SEPTIN11: variants seen among roughly 807,000 people sequenced by gnomAD.
The protein encoded by SEPTIN11 is septin-11.
A neutral mutation model predicts 51.4 loss-of-function variants in SEPTIN11; 25 were observed. That is an observed-to-expected ratio of 0.49 (90% CI 0.35 to 0.68). The LOEUF is 0.68. SEPTIN11 is among the 30% of genes least tolerant of loss of function. The pLI is 0.00. For synonymous variants in SEPTIN11, 174 were observed against 184.1 expected, an observed-to-expected ratio of 0.95 and a Z score of 0.44; for missense variants, 381 against 520.8, an observed-to-expected ratio of 0.73 and a Z score of 2.61.
At chr4:76,966,507 G>T (rs1278310887) in intron 1 of SEPTIN11, among the ~76,000 whole-genome samples, 1 of 151,414 alleles carries the variant, frequency 6.6e-6, no homozygotes, top group Non-Finnish European at 1.5e-5. Flanking sequence ...AGATTTTCCA[G>T]TGATTTTCTA....
In SEPTIN11 at chr4:77,034,560, A is replaced by G; in HGVS notation, c.*48A>G. On this transcript the variant is annotated 3_prime_UTR_variant, in exon 10 of 10. Coordinates refer to ENST00000264893, the MANE Select transcript of SEPTIN11 (RefSeq NM_018243.4). ...CCCGCATTCACCTGCTTTTGCAGTA[A>G]TATCGTATCTCTGCCATGTGTGTTC... The G allele has an allele frequency of 6.6e-7, 1 of 1,518,898 alleles. No homozygotes were observed. The highest frequency in any genetic ancestry group is 8.8e-7 in the Non-Finnish European group (1 of 1,138,958). The allele number at this position is 1,518,898 out of a possible 1,614,324, so 94.1% of individuals were successfully genotyped here.
chr4:77,017,460 A>T (rs1199328707), intron 5 of SEPTIN11, among the ~76,000 whole-genome samples: 1 of 152,206 alleles, frequency 6.6e-6, no homozygotes, highest in Non-Finnish European at 1.5e-5. Context: ...ACACCAAAAT[A>T]TTGACCAGAA....
chr4:77,035,581 A>G lies in SEPTIN11; in HGVS notation c.*1069A>G, dbSNP rs1726969763. On this transcript the variant is annotated 3_prime_UTR_variant, in exon 10 of 10. Transcript: ENST00000264893. ...GGACCACAACATGACCCGTAAGTCAAGAAGGTAGACATTTCATATCCAGCT... is the reference window on the plus strand; with the variant it reads ...GGACCACAACATGACCCGTAAGTCAGGAAGGTAGACATTTCATATCCAGCT... The G allele has an allele frequency of 1.0e-6, 1 of 985,462 alleles. No individual in the cohort carries two copies. The highest frequency in any genetic ancestry group is 1.2e-6 in the Non-Finnish European group (1 of 829,928). 61.0% of individuals were successfully genotyped at this position (985,462 alleles called of 1,614,324 possible). A position where few individuals can be genotyped will look rare whatever the true frequency, so the allele number is the denominator to read the frequency against.
intron 3 of SEPTIN11, among the ~76,000 whole-genome samples, chr4:77,011,523 G>T (rs2645648): frequency 7.5e-6 from 1 of 133,696 alleles, no homozygotes; most frequent in South Asian, 2.9e-4. Flanking sequence ...TGACATGGGT[G>T]GGGGGCGGGC....
At position 77,000,253 on chromosome 4, in the gene SEPTIN11, G is replaced by A. The variant is rs894017791; in HGVS notation, c.142+3714G>A. On this transcript the variant is annotated intron_variant, in intron 2 of 9. Transcript: ENST00000264893. ...ATGAGAGAACAGGAATTGAAAACAG[G>A]TAAGTGTAAGGCCATCTTAGCCAAG... Among the ~76,000 whole-genome samples, 5 of 152,336 alleles carry A rather than the reference G, an allele frequency of 3.3e-5. No individual in the cohort carries two copies. The South Asian group carries it at 1.0e-3, about 32-fold the overall frequency.
intron 1 of SEPTIN11, among the ~76,000 whole-genome samples, chr4:76,975,477 A>G (rs1396764290): frequency 6.6e-6 from 1 of 152,216 alleles, no homozygotes. Context: ...ACAATAATAA[A>G]CTTATTACAT....
At chr4:77,000,199 C>T (rs950488498) in intron 2 of SEPTIN11, among the ~76,000 whole-genome samples, 8 of 152,114 alleles carry the variant, frequency 5.3e-5, no homozygotes, top group African/African-American at 1.9e-4. Context: ...AAAATTTGTC[C>T]ACAATTCAAC....
rs1453763924 is a variant in SEPTIN11, at chr4:77,038,395, CA to C, written c.*3884del. 6 of 985,680 alleles carry C rather than the reference CA, an allele frequency of 6.1e-6. No homozygotes were observed. Among genetic ancestry groups the C allele is most frequent in the Non-Finnish European group, 7.2e-6 (6 of 829,810 alleles). 61.1% of individuals were successfully genotyped at this position (985,680 alleles called of 1,614,324 possible). A position where few individuals can be genotyped will look rare whatever the true frequency, so the allele number is the denominator to read the frequency against. On this transcript the variant is annotated 3_prime_UTR_variant, in exon 10 of 10. Coordinates refer to ENST00000264893, the MANE Select transcript of SEPTIN11 (RefSeq NM_018243.4). ...ACTTTCATTGTTAATGCAGAATTGT[CA>C]TATATGTAAGCTGCATGTTAGACAT...
At chr4:76,982,074 A>C (rs55789186) in intron 1 of SEPTIN11, among the ~76,000 whole-genome samples, 3,237 of 152,328 alleles carry the variant, frequency 0.021, 104 homozygotes, top group African/African-American at 0.073. Context: ...TTAAAGTCTT[A>C]CATCCTCTAC....
chr4:76,966,526 A>G (rs1722040358), intron 1 of SEPTIN11, among the ~76,000 whole-genome samples: 1 of 152,078 alleles, frequency 6.6e-6, no homozygotes, highest in South Asian at 2.1e-4. Context: ...TAATAGACCA[A>G]ATTTAAATCT....
rs143395993 is a variant in SEPTIN11 at position 76,967,104 on chromosome 4, C to T, written c.27+17174C>T. Among the ~76,000 whole-genome samples, 820 of 151,806 alleles carry T rather than the reference C, an allele frequency of 5.4e-3. 6 individuals are homozygous for T. The highest frequency in any genetic ancestry group is 0.019 in the African/African-American group (791 of 41,404). ...CCCAGCTACTTGGGAGGCTGAGGCA[C>T]GAGAATTGCTTGAGTCCAGGAGGCA... On this transcript the variant is annotated intron_variant, in intron 1 of 9. Transcript: ENST00000264893.
At position 77,038,146 on chromosome 4, in the gene SEPTIN11, G is replaced by C; in HGVS notation, c.*3634G>C. Reference sequence around the variant, plus strand: ...AGCTTCGAAAAGTCCTGGTTCCACTGACAGGACACATTCTTTAGTGGGAAT... The same window carrying C: ...AGCTTCGAAAAGTCCTGGTTCCACTCACAGGACACATTCTTTAGTGGGAAT... On this transcript the variant is annotated 3_prime_UTR_variant, in exon 10 of 10. Coordinates refer to ENST00000264893, the MANE Select transcript of SEPTIN11 (RefSeq NM_018243.4). The C allele has an allele frequency of 1.0e-6, 1 of 985,858 alleles. No individual in the cohort carries two copies. 61.1% of individuals were successfully genotyped at this position (985,858 alleles called of 1,614,324 possible). A position where few individuals can be genotyped will look rare whatever the true frequency, so the allele number is the denominator to read the frequency against.
intron 1 of SEPTIN11, among the ~76,000 whole-genome samples, chr4:76,988,156 T>G (rs1197991964): frequency 1.3e-5 from 2 of 152,206 alleles, no homozygotes; most frequent in Non-Finnish European, 2.9e-5. Context: ...CAACAGTGCT[T>G]TGGACTAATA....
intron 4 of SEPTIN11, among the ~76,000 whole-genome samples, 194 bp downstream of exon 4, chr4:77,012,115 CAA>C (rs199819432): frequency 2.4e-4 from 20 of 84,614 alleles, no homozygotes; most frequent in Admixed American, 1.3e-3. Flanking sequence ...ACAAAACTAG[CAA>C]AAAAAAAAAA....
intron 5 of SEPTIN11, among the ~76,000 whole-genome samples, chr4:77,015,373 C>G (rs989511631): frequency 2.0e-5 from 3 of 152,118 alleles, no homozygotes; most frequent in Admixed American, 1.3e-4. Flanking sequence ...TTAGCTTGTC[C>G]CAATTTTGCT....
Position 77,037,385 on chromosome 4 carries a change from C to T in SEPTIN11, c.*2873C>T, listed in dbSNP as rs930298122. 3.0e-5 allele frequency: 30 copies of T among 985,290 alleles called. No homozygotes were observed. The highest frequency in any genetic ancestry group is 1.8e-4 in the Admixed American group (3 of 16,270). The allele number at this position is 985,290 out of a possible 1,614,324, so 61.0% of individuals were successfully genotyped here. On this transcript the variant is annotated 3_prime_UTR_variant, in exon 10 of 10. Coordinates refer to ENST00000264893, the MANE Select transcript of SEPTIN11 (RefSeq NM_018243.4). ...AAAAAAAAAAAGAAATTATTAATCCCTGCCTGTGCTCTACATAGCCTCATG... is the reference window on the plus strand; with the variant it reads ...AAAAAAAAAAAGAAATTATTAATCCTTGCCTGTGCTCTACATAGCCTCATG...
At chr4:77,003,343 G>A (rs535738909) in intron 2 of SEPTIN11, among the ~76,000 whole-genome samples, 17 of 152,272 alleles carry the variant, frequency 1.1e-4, no homozygotes, top group South Asian at 1.0e-3. Flanking sequence ...AGAGGAAAGC[G>A]GTTATGACAA....
In SEPTIN11 at chr4:76,996,444, T is replaced by G. The variant is rs763601314; in HGVS notation, c.47T>G (p.Leu16Trp). ...GRPSNEELRNLSLSGHVGFDS... is the reference protein window; with the variant it reads ...GRPSNEELRNWSLSGHVGFDS... ...TTGCAGAATGAAGAGCTTCGAAACT[T>G]GTCTTTGTCTGGCCATGTGGGATTT... is the stretch of plus-strand genomic sequence containing the variant. The change falls in exon 2 of 10, where the codon TTG (leucine) becomes TGG (tryptophan). Residue 16 changes from leucine (L) to tryptophan (W), a missense_variant. Physicochemically the swap from Leu to Trp is moderately conservative, Grantham distance 61 (BLOSUM62 -2). This residue lies in a region of SEPTIN11 where 184 missense variants were observed against 207.7 expected (regional missense o/e 0.89). Transcript: ENST00000264893. 6.2e-7 allele frequency: 1 copy of G among 1,614,058 alleles called. No individual in the cohort carries two copies. The highest frequency in any genetic ancestry group is 1.1e-5 in the South Asian group (1 of 91,082).
At chr4:77,016,615 C>CATATATATATATATACACATATAT (rs1403026630) in intron 5 of SEPTIN11, among the ~76,000 whole-genome samples, 11 of 79,188 alleles carry the variant, frequency 1.4e-4, no homozygotes, top group Non-Finnish European at 2.0e-4. Context: ...TATATATACA[C>CATATATATATATATACACATATAT]ATATATATAT....
Sources: allele counts gnomAD v4.1 joint callset (sites outside exome capture counted in the v4.1 genomes callset), GRCh38; gene constraint gnomAD v4.1.1; regional missense constraint gnomAD v4.1.1; transcripts MANE v1.5; gene names NCBI Gene and HGNC (gene_info 2026-07-23, HGNC 2026-07-21).